CSNK1G3: variants seen among roughly 807,000 people sequenced by gnomAD.
CSNK1G3 encodes casein kinase I isoform gamma-3.
In CSNK1G3, 23 loss-of-function variants were observed where a neutral mutation model predicts 64.3. The ratio of observed to expected loss-of-function variants is 0.36; its 90% CI spans 0.26 to 0.51. The LOEUF (loss-of-function observed/expected upper bound fraction) is 0.51, where lower values mean the gene tolerates loss of function less well. Among genes scored for constraint, CSNK1G3 ranks in the 20% least tolerant of loss-of-function variants. CSNK1G3 has a pLI of 0.96. For synonymous variants in CSNK1G3, 158 were observed against 162.2 expected, an observed-to-expected ratio of 0.97 and a Z score of 0.20; for missense variants, 357 against 510.5, an observed-to-expected ratio of 0.70 and a Z score of 2.90.
chr5:123,592,657 ACAAT>A (rs1792603205), intron 10 of CSNK1G3, among the ~76,000 whole-genome samples: 1 of 151,914 alleles, frequency 6.6e-6, no homozygotes, highest in African/African-American at 2.4e-5. Context: ...AAACAGGATG[ACAAT>A]CAAAAGAAAG....
intron 4 of CSNK1G3, among the ~76,000 whole-genome samples, chr5:123,566,135 A>G (rs1428134450): frequency 6.6e-6 from 1 of 152,190 alleles, no homozygotes; most frequent in East Asian, 1.9e-4. Context: ...ACAAAGTACC[A>G]AGCAGTCTTT....
At position 123,581,080 on chromosome 5, in the gene CSNK1G3, G is replaced by A. The variant is rs534784209; in HGVS notation, c.673+5117G>A. Among the ~76,000 whole-genome samples, 118 of 151,872 alleles carry A rather than the reference G, an allele frequency of 7.8e-4. 1 individual carries two copies. Among genetic ancestry groups the A allele is most frequent in the African/African-American group, 2.8e-3 (117 of 41,488 alleles). Reference sequence around the variant, plus strand: ...GTTTCTGAGGCCTGCTCTTTAAGCTGCTCACACAGCTTTTTTGCAGTTTAA... The same window carrying A: ...GTTTCTGAGGCCTGCTCTTTAAGCTACTCACACAGCTTTTTTGCAGTTTAA... On this transcript the variant is annotated intron_variant, in intron 6 of 12. Coordinates refer to ENST00000345990, the Ensembl canonical transcript of CSNK1G3.
intron 4 of CSNK1G3, among the ~76,000 whole-genome samples, chr5:123,568,295 A>C (rs77765159): frequency 0.011 from 1,748 of 152,226 alleles, 29 homozygotes; most frequent in African/African-American, 0.037. Context: ...AGACGTGACT[A>C]TGACCTTTTT....
intron 1 of CSNK1G3, among the ~76,000 whole-genome samples, chr5:123,513,307 T>C (rs1236668477): frequency 6.6e-6 from 1 of 152,044 alleles, no homozygotes; most frequent in African/African-American, 2.4e-5. Flanking sequence ...TTCAGCAGGA[T>C]GAGGAGGGAG....
chr5:123,570,220 C>T (rs748659480), intron 4 of CSNK1G3, among the ~76,000 whole-genome samples: 2 of 152,030 alleles, frequency 1.3e-5, no homozygotes, highest in Non-Finnish European at 2.9e-5. Context: ...TTGAAAAAAC[C>T]AGTCATTTTA....
intron 10 of CSNK1G3, among the ~76,000 whole-genome samples, chr5:123,598,108 T>C (rs1382729727): frequency 6.6e-6 from 1 of 152,162 alleles, no homozygotes; most frequent in Non-Finnish European, 1.5e-5. Flanking sequence ...CTTTTTCCAT[T>C]CACGAGACTA....
chr5:123,545,915 TTTAG>T, intron 2 of CSNK1G3, 74 bp downstream of exon 2: 1 of 1,199,944 alleles, frequency 8.3e-7, no homozygotes, highest in Non-Finnish European at 1.2e-6. Context: ...ATGAAAATGA[TTTAG>T]TTATTTAATT....
intron 12 of CSNK1G3, among the ~76,000 whole-genome samples, chr5:123,606,648 C>T (rs967298824): frequency 1.2e-4 from 18 of 152,094 alleles, no homozygotes; most frequent in Admixed American, 1.0e-3. Flanking sequence ...CTGCTGGTGA[C>T]GTTTCTCATC....
chr5:123,596,141 G>A (rs1436464356), intron 10 of CSNK1G3, among the ~76,000 whole-genome samples: 4 of 151,790 alleles, frequency 2.6e-5, no homozygotes, highest in Admixed American at 1.3e-4. Context: ...GAGCCCTCAC[G>A]TTTTTCTCAT....
At chr5:123,596,074 T>C (rs2151041738) in intron 10 of CSNK1G3, among the ~76,000 whole-genome samples, 1 of 152,218 alleles carries the variant, frequency 6.6e-6, no homozygotes, top group East Asian at 1.9e-4. Flanking sequence ...TTCTGTACTC[T>C]GGGTGCTATT....
exon 5 of CSNK1G3, chr5:123,573,526 G>C (rs1788523161): frequency 6.2e-7 from 1 of 1,611,376 alleles, no homozygotes; most frequent in Non-Finnish European, 8.5e-7. Flanking sequence ...CAGTTCTCAT[G>C]ATAGCTATAC....
Position 123,588,061 on chromosome 5 carries a change from A to G in CSNK1G3, c.674-7A>G. The G allele has an allele frequency of 6.6e-7, 1 of 1,525,314 alleles. No homozygotes were observed. The highest frequency in any genetic ancestry group is 8.9e-7 in the Non-Finnish European group (1 of 1,126,582). The allele number at this position is 1,525,314 out of a possible 1,614,324, so 94.5% of individuals were successfully genotyped here. A position where few individuals can be genotyped will look rare whatever the true frequency, so the allele number is the denominator to read the frequency against. Reference sequence around the variant, plus strand: ...AAAGTGAAATTTATATTTCTTTTGTATTTCAGAACAAAGTAGAAGAGACGA... The same window carrying G: ...AAAGTGAAATTTATATTTCTTTTGTGTTTCAGAACAAAGTAGAAGAGACGA... On this transcript the variant is annotated splice_polypyrimidine_tract_variant and splice_region_variant and intron_variant, in intron 6 of 12. Transcript: ENST00000345990.
chr5:123,551,194 G>C (rs1783577476), intron 2 of CSNK1G3, among the ~76,000 whole-genome samples: 2 of 152,112 alleles, frequency 1.3e-5, no homozygotes, highest in African/African-American at 4.8e-5. Flanking sequence ...CTCAAAACCA[G>C]AATTGTCTTT....
chr5:123,616,349 C>T (rs1207189832), exon 13 of CSNK1G3: 1 of 152,482 alleles, frequency 6.6e-6, no homozygotes, highest in Non-Finnish European at 1.5e-5. Flanking sequence ...TATTTCTTAT[C>T]ATAAGCCTAT....
At chr5:123,583,350 A>G (rs962267012) in intron 6 of CSNK1G3, among the ~76,000 whole-genome samples, 6 of 89,428 alleles carry the variant, frequency 6.7e-5, no homozygotes, top group Non-Finnish European at 1.5e-4. Flanking sequence ...TTGTGAGTAT[A>G]GAAATCCAGT....
intron 1 of CSNK1G3, among the ~76,000 whole-genome samples, chr5:123,513,749 A>C (rs1032229682): frequency 1.3e-5 from 2 of 152,220 alleles, no homozygotes. Flanking sequence ...GTTTCTTTGA[A>C]GAATATTGGC....
At chr5:123,569,493 G>A (rs764102180) in intron 4 of CSNK1G3, among the ~76,000 whole-genome samples, 4 of 152,144 alleles carry the variant, frequency 2.6e-5, no homozygotes, top group Non-Finnish European at 5.9e-5. Flanking sequence ...GTCTTTTGGA[G>A]GACACTGGTT....
chr5:123,570,115 A>C (rs1216623922), intron 4 of CSNK1G3, among the ~76,000 whole-genome samples: 13 of 152,176 alleles, frequency 8.5e-5, no homozygotes, highest in African/African-American at 3.1e-4. Context: ...CAGTCCCATA[A>C]AGATATAGTA....
At position 123,590,118 on chromosome 5, in the gene CSNK1G3, A is replaced by G. The variant is rs546438486; in HGVS notation, c.845-295A>G. 3.3e-5 allele frequency among the ~76,000 whole-genome samples: 5 copies of G among 152,210 alleles called. No homozygotes were observed. In the East Asian group the frequency reaches 9.6e-4, roughly 29 times the overall value. ...AACTGCTTATTCAACTTCTCATACT[A>G]CCAAATATTAAAAATAATCTTATAA... On this transcript the variant is annotated intron_variant, in intron 8 of 12. Coordinates refer to ENST00000345990, the Ensembl canonical transcript of CSNK1G3.
Sources: gnomAD v4.1 joint callset for allele counts (sites outside exome capture counted in the v4.1 genomes callset) on GRCh38, gnomAD v4.1.1 for gene constraint, MANE v1.5 for transcripts, NCBI Gene and HGNC (gene_info 2026-07-23, HGNC 2026-07-21) for gene names.